The following ARHGAP31 variants were observed in gnomAD, a reference collection of about 807,000 sequenced individuals.
The protein encoded by ARHGAP31 is rho GTPase-activating protein 31.
A neutral mutation model predicts 113.9 loss-of-function variants in ARHGAP31; 34 were observed. The ratio of observed to expected loss-of-function variants is 0.30; its 90% CI spans 0.23 to 0.40. ARHGAP31 has a LOEUF of 0.40. Ranked by LOEUF, ARHGAP31 falls within the 10% of genes least tolerant of loss-of-function variation. ARHGAP31 has a pLI of 1.00. For synonymous variants in ARHGAP31, 650 were observed against 684.8 expected (o/e 0.95, Z 0.79); for missense variants, 1,548 against 1,767.1 (o/e 0.88, Z 2.22).
intron 1 of ARHGAP31, among the ~76,000 whole-genome samples, chr3:119,362,967 G>A (rs2080223230): frequency 6.6e-6 from 1 of 152,014 alleles, no homozygotes; most frequent in African/African-American, 2.4e-5. Flanking sequence ...TATATGCCAG[G>A]GTCTGTGCCA....
rs762985942 is a variant in ARHGAP31, at chr3:119,414,732, C to A, written c.2803C>A (p.Gln935Lys). ...GCACAAGGCCCAGGTACAGGGCCTT[C>A]AGGGTCACCAGTTGGAGAAGAGGCT... is the stretch of plus-strand genomic sequence containing the variant. ...DAHKAQVQGL[Q>K]GHQLEKRLSH... Residue 935 changes from glutamine to lysine, a missense_variant, in exon 12 of 12, where the codon CAG becomes AAG. Physicochemically the swap from Gln to Lys is moderately conservative, Grantham distance 53. Coordinates refer to ENST00000264245, the MANE Select transcript of ARHGAP31 (RefSeq NM_020754.4). 6.2e-7 allele frequency: 1 copy of A among 1,614,218 alleles called. No individual in the cohort carries two copies. Among genetic ancestry groups the A allele is most frequent in the Non-Finnish European group, 8.5e-7 (1 of 1,180,018 alleles).
chr3:119,358,236 C>G (rs192578347), intron 1 of ARHGAP31, among the ~76,000 whole-genome samples: 1 of 152,116 alleles, frequency 6.6e-6, no homozygotes, highest in Non-Finnish European at 1.5e-5. Flanking sequence ...GATATACAAA[C>G]GGCCAGTAAG....
chr3:119,343,221 G>GA (rs2080024895), intron 1 of ARHGAP31, among the ~76,000 whole-genome samples: 3 of 152,260 alleles, frequency 2.0e-5, no homozygotes, highest in Admixed American at 1.3e-4. Flanking sequence ...GGGGAACTCT[G>GA]AAAAAAGAGC....
intron 1 of ARHGAP31, among the ~76,000 whole-genome samples, chr3:119,315,238 C>T (rs1303122655): frequency 6.6e-6 from 1 of 152,152 alleles, no homozygotes; most frequent in Non-Finnish European, 1.5e-5. Flanking sequence ...GTTTGAAAAA[C>T]CAACAAGAAT....
At chr3:119,404,819 G>A (rs114608717) in intron 10 of ARHGAP31, among the ~76,000 whole-genome samples, 237 of 152,296 alleles carry the variant, frequency 1.6e-3, no homozygotes, top group Middle Eastern at 6.8e-3. Flanking sequence ...ATTAATCAAT[G>A]TAATCATCAT....
chr3:119,383,843 T>G (rs768213187), intron 6 of ARHGAP31, among the ~76,000 whole-genome samples: 10 of 152,212 alleles, frequency 6.6e-5, no homozygotes, highest in Non-Finnish European at 1.2e-4. Context: ...TGAACCCAGT[T>G]GGTAAAGACC....
chr3:119,391,173 A>G (rs529548027), intron 7 of ARHGAP31, among the ~76,000 whole-genome samples, 190 bp downstream of exon 7: 2 of 152,248 alleles, frequency 1.3e-5, no homozygotes, highest in African/African-American at 4.8e-5. Flanking sequence ...TGATGCCTTT[A>G]TGCATGCACT....
chr3:119,355,668 A>T (rs962308066), intron 1 of ARHGAP31, among the ~76,000 whole-genome samples: 8 of 151,904 alleles, frequency 5.3e-5, no homozygotes, highest in Non-Finnish European at 1.2e-4. Flanking sequence ...CCGGTGTGTG[A>T]TGTTCCCCAC....
At chr3:119,396,443 T>TA (rs1366395764) in intron 8 of ARHGAP31, among the ~76,000 whole-genome samples, 1 of 152,226 alleles carries the variant, frequency 6.6e-6, no homozygotes, top group African/African-American at 2.4e-5. Context: ...AGTGTCAATA[T>TA]AAGTGGCTCC....
In ARHGAP31 at chr3:119,416,477, A is replaced by G. The variant is rs758596532; in HGVS notation, c.*213A>G. ...CGAGAGATGAAATTTAGTTAAGTCT[A>G]TGTGAGCAAGTGAGAGAAGGTTAGG... On this transcript the variant is annotated 3_prime_UTR_variant, in exon 12 of 12. Transcript: ENST00000264245. 1.5e-6 allele frequency: 1 copy of G among 661,798 alleles called. No individual in the cohort carries two copies. The highest frequency in any genetic ancestry group is 3.0e-5 in the East Asian group (1 of 33,332). 41.0% of individuals were successfully genotyped at this position (661,798 alleles called of 1,614,324 possible).
chr3:119,369,300 G>C (rs1302854817), intron 3 of ARHGAP31, among the ~76,000 whole-genome samples: 1 of 151,814 alleles, frequency 6.6e-6, no homozygotes, highest in Non-Finnish European at 1.5e-5. Context: ...AGGGAGATGA[G>C]AGCGTGTGCT....
At chr3:119,327,531 C>T (rs570173409) in intron 1 of ARHGAP31, among the ~76,000 whole-genome samples, 21 of 152,178 alleles carry the variant, frequency 1.4e-4, no homozygotes, top group Non-Finnish European at 2.4e-4. Context: ...GGCAACACAG[C>T]GAGACAATGT....
At position 119,380,981 on chromosome 3, in the gene ARHGAP31, C is replaced by G. The variant is rs2080391872; in HGVS notation, c.426C>G (p.His142Gln). 6.2e-7 allele frequency: 1 copy of G among 1,613,880 alleles called. No individual in the cohort carries two copies. The highest frequency in any genetic ancestry group is 8.5e-7 in the Non-Finnish European group (1 of 1,179,872). The change falls in exon 4 of 12, where the codon CAC becomes CAG. Residue 142 changes from histidine to glutamine, a missense_variant. By Grantham distance (24) the His-to-Gln change is conservative (BLOSUM62 0). Transcript: ENST00000264245. ...QNVIQELPPS[H>Q]YRTLEYLIRH... is the part of the protein sequence containing the mutation. ...TTATCCAGGAGCTTCCTCCATCCCA[C>G]TATAGGTAAGAATGGTTGGGAAAAG...
At chr3:119,340,149 G>A (rs753399486) in intron 1 of ARHGAP31, among the ~76,000 whole-genome samples, 1 of 152,154 alleles carries the variant, frequency 6.6e-6, no homozygotes, top group Non-Finnish European at 1.5e-5. Flanking sequence ...ATAGACAAAT[G>A]GTAAGCACAC....
chr3:119,331,167 A>G (rs1319565306), intron 1 of ARHGAP31, among the ~76,000 whole-genome samples: 1 of 152,224 alleles, frequency 6.6e-6, no homozygotes, highest in African/African-American at 2.4e-5. Flanking sequence ...GGCTAAGACC[A>G]TAAGGTCCAC....
chr3:119,294,961 T>C lies in ARHGAP31; in HGVS notation c.57T>C (p.Phe19=), dbSNP rs2079519980. The C allele has an allele frequency of 3.1e-6, 5 of 1,613,964 alleles. No homozygotes were observed. In the South Asian group the frequency reaches 5.5e-5, roughly 18 times the overall value. The change falls in exon 1 of 12, where the codon TTT becomes TTC. Residue 19 remains phenylalanine (F), a synonymous_variant. Coordinates refer to ENST00000264245, the MANE Select transcript of ARHGAP31 (RefSeq NM_020754.4). ...KLKRKGAASA[F]GCDLTEYLES... ...AACGAAAGGGAGCCGCCAGCGCGTT[T>C]GGCTGTGACCTGACGGAGTATCTGG...
At chr3:119,382,684 T>C (rs2080412280) in intron 5 of ARHGAP31, among the ~76,000 whole-genome samples, 1 of 152,018 alleles carries the variant, frequency 6.6e-6, no homozygotes, top group South Asian at 2.1e-4. Context: ...GCCTTTATTG[T>C]TTTGGGGGCT....
chr3:119,382,404 C>A lies in ARHGAP31; in HGVS notation c.539+5C>A. The A allele has an allele frequency of 6.2e-7, 1 of 1,613,062 alleles. No individual in the cohort carries two copies. The highest frequency in any genetic ancestry group is 1.1e-5 in the South Asian group (1 of 91,064). Reference sequence around the variant, plus strand: ...GTGGGCGCCAAACCTCCTCAGGTAACCACTCTACCCTCCCCTTGTCACCAG... The same window carrying A: ...GTGGGCGCCAAACCTCCTCAGGTAAACACTCTACCCTCCCCTTGTCACCAG... On this transcript the variant is annotated splice_donor_5th_base_variant and intron_variant, in intron 5 of 11. Coordinates refer to ENST00000264245, the MANE Select transcript of ARHGAP31 (RefSeq NM_020754.4).
chr3:119,402,457 G>T, intron 10 of ARHGAP31, 60 bp downstream of exon 10: 1 of 1,560,694 alleles, frequency 6.4e-7, no homozygotes, highest in Non-Finnish European at 8.8e-7. Context: ...ACTTAAATTT[G>T]CTTGAGTTTG....
Sources: allele counts gnomAD v4.1 joint callset (sites outside exome capture counted in the v4.1 genomes callset), GRCh38; gene constraint gnomAD v4.1.1; transcripts MANE v1.5; gene names NCBI Gene and HGNC (gene_info 2026-07-23, HGNC 2026-07-21).